Variants in GANC observed in about 807,000 individuals in gnomAD.
The protein encoded by GANC is neutral alpha-glucosidase C.
In GANC, 117 loss-of-function variants were observed where a neutral mutation model predicts 124.2. The observed-to-expected ratio is 0.94, with a 90% confidence interval of 0.81 to 1.10. The LOEUF is 1.10. Ranked by LOEUF, GANC falls within the 50% of genes least tolerant of loss-of-function variation. The pLI is 0.00. For synonymous variants in GANC, 377 were observed against 376.8 expected, an observed-to-expected ratio of 1.00 and a Z score of -0.01; for missense variants, 1,140 against 1,095.0, an observed-to-expected ratio of 1.04 and a Z score of -0.58.
chr15:42,342,735 A>G (rs971610550), intron 18 of GANC, among the ~76,000 whole-genome samples: 4 of 152,258 alleles, frequency 2.6e-5, no homozygotes, highest in South Asian at 4.1e-4. Flanking sequence ...ACAGTAAAGC[A>G]CTTGGAAAGG....
chr15:42,334,099 A>G (rs2052266401), intron 15 of GANC, among the ~76,000 whole-genome samples: 1 of 152,192 alleles, frequency 6.6e-6, no homozygotes, highest in Non-Finnish European at 1.5e-5. Context: ...AATTAAACTA[A>G]AAAATTAACT....
intron 8 of GANC, 77 bp from the exon 9 acceptor site, chr15:42,310,206 G>GT: frequency 9.1e-7 from 1 of 1,104,026 alleles, no homozygotes; most frequent in Non-Finnish European, 1.3e-6. Context: ...TGTTTAGAGA[G>GT]AAGAGTAGAG....
Position 42,348,118 on chromosome 15 carries a change from C to T in GANC, c.2320C>T (p.Arg774Ter), listed in dbSNP as rs527956652. The change falls in exon 21 of 24, where the codon CGA becomes TGA. Residue 774 changes from arginine to a stop codon, truncating the protein, a stop_gained. Transcript: ENST00000318010. LOFTEE classifies it high-confidence loss of function. ...TCTGTTACAGATTCCAGTGTTTCAG[C>T]GAGGTGGAAGTGTGATACCAATAAA... Reference protein sequence around the residue: ...VALDTIPVFQRGGSVIPIKTT... With the variant: ...VALDTIPVFQ 4.7e-5 allele frequency: 76 copies of T among 1,606,430 alleles called. No individual in the cohort carries two copies. Among genetic ancestry groups the T allele is most frequent in the South Asian group, 4.5e-4 (40 of 89,450 alleles).
intron 10 of GANC, among the ~76,000 whole-genome samples, chr15:42,317,210 A>G (rs934513315): frequency 2.6e-5 from 4 of 152,242 alleles, no homozygotes; most frequent in African/African-American, 4.8e-5. Flanking sequence ...TGTGGTATAT[A>G]CATGTAACAG....
intron 7 of GANC, 125 bp downstream of exon 7, chr15:42,306,737 A>G: frequency 3.2e-6 from 2 of 632,796 alleles, no homozygotes; most frequent in South Asian, 2.3e-5. Context: ...CAGAAATCCC[A>G]GATCAGATTT....
At chr15:42,314,895 C>T (rs1196444036) in intron 10 of GANC, 1 of 152,190 alleles carries the variant, frequency 6.6e-6, no homozygotes, top group African/African-American at 2.4e-5. Flanking sequence ...TAAGACTACA[C>T]TTAACTATGG....
At chr15:42,342,801 C>T (rs4506867) in intron 18 of GANC, among the ~76,000 whole-genome samples, 15,193 of 152,108 alleles carry the variant, frequency 0.1, 1,085 homozygotes, top group Admixed American at 0.19. Flanking sequence ...AAAATGAGAC[C>T]GATGGACTGT....
intron 1 of GANC, among the ~76,000 whole-genome samples, chr15:42,276,076 T>C (rs994585566): frequency 7.2e-5 from 11 of 152,228 alleles, no homozygotes; most frequent in Admixed American, 5.2e-4. Context: ...CAAAAGAATA[T>C]GTCCTCATAA....
At chr15:42,321,588 G>GC (rs1337301770) in intron 10 of GANC, among the ~76,000 whole-genome samples, 197 bp from the exon 11 acceptor site, 1 of 152,168 alleles carries the variant, frequency 6.6e-6, no homozygotes, top group Admixed American at 6.5e-5. Flanking sequence ...ATACCTCAGG[G>GC]CAGAGCACTT....
Position 42,352,765 on chromosome 15 carries a change from T to C in GANC, c.*626T>C, listed in dbSNP as rs2052464631. ...TCTAATTAATCTTAAAATCCATGTC[T>C]TTTACATTGTTTTTTTAATTAAGTG... On this transcript the variant is annotated 3_prime_UTR_variant, in exon 24 of 24. Coordinates refer to ENST00000318010, the MANE Select transcript of GANC (RefSeq NM_198141.3). 2 of 971,710 alleles carry C rather than the reference T, an allele frequency of 2.1e-6. No individual in the cohort carries two copies. The highest frequency in any genetic ancestry group is 3.5e-5 in the African/African-American group (2 of 57,094). The allele number at this position is 971,710 out of a possible 1,614,324, so 60.2% of individuals were successfully genotyped here.
At position 42,310,324 on chromosome 15, in the gene GANC, G is replaced by C; in HGVS notation, c.764G>C (p.Gly255Ala). Residue 255 changes from glycine to alanine, a missense_variant, in exon 9 of 24, where the codon GGA becomes GCA. By Grantham distance (60) the Gly-to-Ala change is moderately conservative. Coordinates refer to ENST00000318010, the MANE Select transcript of GANC (RefSeq NM_198141.3). Reference sequence around the variant, plus strand: ...CGTCTTTATAACCTGGATGTCTATGGATACCAAATATATGATAAAATGGGC... The same window carrying C: ...CGTCTTTATAACCTGGATGTCTATGCATACCAAATATATGATAAAATGGGC... ...AYRLYNLDVY[G>A]YQIYDKMGIY... 1.2e-6 allele frequency: 2 copies of C among 1,612,386 alleles called. No individual in the cohort carries two copies. Among genetic ancestry groups the C allele is most frequent in the Non-Finnish European group, 1.7e-6 (2 of 1,178,904 alleles).
At chr15:42,319,131 G>T (rs2052133925) in intron 10 of GANC, among the ~76,000 whole-genome samples, 1 of 151,564 alleles carries the variant, frequency 6.6e-6, no homozygotes, top group Non-Finnish European at 1.5e-5. Flanking sequence ...TCATGTTTCT[G>T]CTTTCAAGGA....
At chr15:42,338,346 G>T in intron 15 of GANC, 43 bp from the exon 16 acceptor site, 2 of 1,382,240 alleles carry the variant, frequency 1.4e-6, no homozygotes, top group South Asian at 2.4e-5. Flanking sequence ...TTGAACGCAT[G>T]GGTTGATTTG....
chr15:42,306,030 AT>A (rs11449686), intron 6 of GANC, among the ~76,000 whole-genome samples: 59 of 142,876 alleles, frequency 4.1e-4, no homozygotes, highest in African/African-American at 6.2e-4. Context: ...CACCATGTCT[AT>A]TTTTTTTTTT....
chr15:42,349,543 A>G (rs755759331), intron 22 of GANC, 48 bp downstream of exon 22: 51 of 1,087,320 alleles, frequency 4.7e-5, no homozygotes, highest in Non-Finnish European at 6.9e-5. Context: ...AAATCACACT[A>G]TCCGTTCAGC....
In GANC at chr15:42,274,366, A is replaced by C. The variant is rs1234372816; in HGVS notation, c.-116A>C. The C allele has an allele frequency of 1.5e-5, 16 of 1,076,806 alleles. No homozygotes were observed. The highest frequency in any genetic ancestry group is 3.2e-5 in the African/African-American group (2 of 62,444). 66.7% of individuals were successfully genotyped at this position (1,076,806 alleles called of 1,614,324 possible). A position where few individuals can be genotyped will look rare whatever the true frequency, so the allele number is the denominator to read the frequency against. Reference sequence around the variant, plus strand: ...TCTGGAGGGGACTCCCTTCCCAGAAACTTGACGATGAAGTACTGGTTGTAA... The same window carrying C: ...TCTGGAGGGGACTCCCTTCCCAGAACCTTGACGATGAAGTACTGGTTGTAA... On this transcript the variant is annotated 5_prime_UTR_variant, in exon 1 of 24. Transcript: ENST00000318010.
In GANC at chr15:42,287,874, T is replaced by C. The variant is rs8037801; in HGVS notation, c.329+56T>C. ...ACGCTTGATATATTCTTTTATCATA[T>C]CTTGAGTAATAAATTTTGTTATGTG... On this transcript the variant is annotated intron_variant, in intron 4 of 23. Coordinates refer to ENST00000318010, the MANE Select transcript of GANC (RefSeq NM_198141.3). The C allele has an allele frequency of 4.9e-4, 758 of 1,540,040 alleles. 4 individuals are homozygous for C. In the African/African-American group the frequency reaches 9.6e-3, roughly 20 times the overall value.
intron 10 of GANC, among the ~76,000 whole-genome samples, chr15:42,312,417 T>C (rs905301502): frequency 1.3e-5 from 2 of 152,124 alleles, no homozygotes; most frequent in South Asian, 4.1e-4. Flanking sequence ...AAGGGGAGTT[T>C]CCCTGCACAA....
intron 1 of GANC, 117 bp from the exon 2 acceptor site, chr15:42,276,231 T>C (rs2051669840): frequency 1.5e-5 from 9 of 618,678 alleles, no homozygotes; most frequent in Non-Finnish European, 2.4e-5. Context: ...AATTTTGCAT[T>C]GCAGAATAGA....
Sources: allele counts gnomAD v4.1 joint callset (sites outside exome capture counted in the v4.1 genomes callset), GRCh38; gene constraint gnomAD v4.1.1; transcripts MANE v1.5; gene names NCBI Gene and HGNC (gene_info 2026-07-23, HGNC 2026-07-21).